Variants in SAMSN1 observed in about 807,000 individuals in gnomAD.
SAMSN1 encodes SAM domain-containing protein SAMSN-1.
A neutral mutation model predicts 42.0 loss-of-function variants in SAMSN1; 31 were observed. The ratio of observed to expected loss-of-function variants is 0.74; its 90% confidence interval spans 0.55 to 1.00. The LOEUF (loss-of-function observed/expected upper bound fraction) is 1.00, where lower values mean the gene tolerates loss of function less well. Among genes scored for constraint, SAMSN1 ranks in the 50% least tolerant of loss-of-function variants. The pLI is 0.00. For missense variants in SAMSN1, 464 were observed against 439.4 expected (o/e 1.06, Z -0.50); for synonymous variants, 178 against 151.9 (o/e 1.17, Z -1.26).
chr21:14,623,594 G>C (rs982232052), intron 2 of SAMSN1, among the ~76,000 whole-genome samples: 3 of 152,020 alleles, frequency 2.0e-5, no homozygotes, highest in Admixed American at 6.6e-5. Context: ...AATATATATG[G>C]ACCCAAAACA....
At chr21:14,501,395 G>A (rs1040354845) in intron 5 of SAMSN1, among the ~76,000 whole-genome samples, 2 of 152,160 alleles carry the variant, frequency 1.3e-5, no homozygotes, top group African/African-American at 4.8e-5. Context: ...TACAGAAAAA[G>A]AAACAGAGAT....
intron 1 of SAMSN1, among the ~76,000 whole-genome samples, chr21:14,653,735 G>A (rs1300564206): frequency 6.6e-6 from 1 of 151,926 alleles, no homozygotes; most frequent in Non-Finnish European, 1.5e-5. Flanking sequence ...CACATTGCAT[G>A]TCTGTATCAA....
At chr21:14,627,838 A>G (rs1180028216) in intron 2 of SAMSN1, among the ~76,000 whole-genome samples, 2 of 152,218 alleles carry the variant, frequency 1.3e-5, no homozygotes, top group Admixed American at 1.3e-4. Flanking sequence ...TTATCTTCTT[A>G]AGGCTAAAGG....
chr21:14,534,054 T>A (rs1282295277), intron 1 of SAMSN1, among the ~76,000 whole-genome samples: 1 of 152,234 alleles, frequency 6.6e-6, no homozygotes, highest in African/African-American at 2.4e-5. Flanking sequence ...TAAGGCAGAT[T>A]ACATTACAAT....
chr21:14,524,009 G>T (rs1311663870), intron 1 of SAMSN1, among the ~76,000 whole-genome samples: 1 of 152,088 alleles, frequency 6.6e-6, no homozygotes, highest in Non-Finnish European at 1.5e-5. Context: ...ACACCCTTAA[G>T]AAGAAAATCT....
intron 2 of SAMSN1, among the ~76,000 whole-genome samples, chr21:14,639,431 T>C (rs1044941160): frequency 1.3e-5 from 2 of 152,158 alleles, no homozygotes; most frequent in African/African-American, 2.4e-5. Context: ...CAAACTTGGC[T>C]TTTATAACAA....
chr21:14,597,141 T>A (rs1254402238), intron 6 of SAMSN1, among the ~76,000 whole-genome samples: 1 of 152,136 alleles, frequency 6.6e-6, no homozygotes, highest in Non-Finnish European at 1.5e-5. Context: ...TTTCCCCCTT[T>A]TAGATTGTTC....
At chr21:14,574,406 T>G (rs1013550010) in intron 2 of SAMSN1, among the ~76,000 whole-genome samples, 1 of 152,190 alleles carries the variant, frequency 6.6e-6, no homozygotes, top group African/African-American at 2.4e-5. Flanking sequence ...CTCCTTAATA[T>G]GATGCCTTTG....
chr21:14,579,010 C>T (rs900265344), intron 2 of SAMSN1, among the ~76,000 whole-genome samples: 1 of 151,994 alleles, frequency 6.6e-6, no homozygotes, highest in South Asian at 2.1e-4. Context: ...AATAATAACC[C>T]TGCAATTACT....
chr21:14,601,343 G>A (rs1982425282), intron 6 of SAMSN1, among the ~76,000 whole-genome samples: 1 of 152,096 alleles, frequency 6.6e-6, no homozygotes, highest in Non-Finnish European at 1.5e-5. Context: ...CTGGATTTAG[G>A]AATGTGAGCC....
upstream of SAMSN1, among the ~76,000 whole-genome samples, chr21:14,551,109 T>C (rs993273649): frequency 4.6e-5 from 7 of 152,062 alleles, no homozygotes; most frequent in Non-Finnish European, 8.8e-5. Context: ...CAGAAAAGGA[T>C]CTACCCTTGA....
chr21:14,562,932 C>T (rs1980991056), intron 2 of SAMSN1, among the ~76,000 whole-genome samples: 1 of 152,116 alleles, frequency 6.6e-6, no homozygotes. Flanking sequence ...AGGTTGTATT[C>T]CAAGCTCTGA....
intron 1 of SAMSN1, among the ~76,000 whole-genome samples, chr21:14,643,783 A>G (rs1015768248): frequency 6.6e-6 from 1 of 152,144 alleles, no homozygotes; most frequent in African/African-American, 2.4e-5. Context: ...AGATAGAAAA[A>G]ACAGTCCCGA....
Position 14,516,999 on chromosome 21 carries a change from T to C in SAMSN1, c.172A>G (p.Lys58Glu). 1 of 1,613,620 alleles carries C rather than the reference T, an allele frequency of 6.2e-7. No individual in the cohort carries two copies. Among genetic ancestry groups the C allele is most frequent in the South Asian group, 1.1e-5 (1 of 90,992 alleles). Residue 58 changes from lysine (K) to glutamate (E), a missense_variant, in exon 3 of 8, where the codon AAA becomes GAA. Transcript: ENST00000400566. Reference protein sequence around the residue: ...DPTNGSGEQSKTSNNGGGLGK... With the variant: ...DPTNGSGEQSETSNNGGGLGK... Reference sequence around the variant, plus strand: ...AAACCGCCTCCATTATTTGAAGTTTTACTTTGTTCTCCACTTCCATTTGTG... The same window carrying C: ...AAACCGCCTCCATTATTTGAAGTTTCACTTTGTTCTCCACTTCCATTTGTG...
intron 7 of SAMSN1, 76 bp downstream of exon 7, chr21:14,498,366 G>T (rs953754449): frequency 7.9e-6 from 10 of 1,262,956 alleles, no homozygotes; most frequent in Non-Finnish European, 1.1e-5. Flanking sequence ...TAAAACTGGG[G>T]CTTTGTTTCT....
At chr21:14,589,884 C>T (rs1482534304) in intron 7 of SAMSN1, among the ~76,000 whole-genome samples, 1 of 152,142 alleles carries the variant, frequency 6.6e-6, no homozygotes, top group Non-Finnish European at 1.5e-5. Flanking sequence ...ATAACAAATC[C>T]TAATAACCTG....
At chr21:14,624,826 A>G (rs938383975) in intron 2 of SAMSN1, among the ~76,000 whole-genome samples, 26 of 152,218 alleles carry the variant, frequency 1.7e-4, no homozygotes, top group African/African-American at 5.8e-4. Flanking sequence ...CACAACCAAA[A>G]AAGAGAATTT....
At chr21:14,616,178 T>C (rs1982832335) in intron 2 of SAMSN1, among the ~76,000 whole-genome samples, 1 of 152,022 alleles carries the variant, frequency 6.6e-6, no homozygotes, top group South Asian at 2.1e-4. Flanking sequence ...TCCCCTGTTG[T>C]ATTTTAGTAA....
intron 4 of SAMSN1, among the ~76,000 whole-genome samples, chr21:14,511,100 A>T (rs966579721): frequency 6.6e-6 from 1 of 152,068 alleles, no homozygotes; most frequent in African/African-American, 2.4e-5. Flanking sequence ...CCCCACCCTC[A>T]TACTCAGTCA....
Sources: allele counts gnomAD v4.1 joint callset (sites outside exome capture counted in the v4.1 genomes callset), GRCh38; gene constraint gnomAD v4.1.1; transcripts MANE v1.5; gene names NCBI Gene and HGNC (gene_info 2026-07-23, HGNC 2026-07-21).